Variants in ZNF490 observed in about 807,000 individuals in gnomAD.
ZNF490 encodes the protein zinc finger protein 490.
Under a neutral mutation model 17.7 loss-of-function variants are expected in ZNF490, and 11 were observed. The ratio of observed to expected loss-of-function variants is 0.62; its 90% CI spans 0.39 to 1.03. ZNF490 has a LOEUF of 1.03. Among genes scored for constraint, ZNF490 ranks in the 50% least tolerant of loss-of-function variants. The pLI, the probability that ZNF490 is intolerant of heterozygous loss-of-function variation, is 0.00. For missense variants in ZNF490, 542 were observed against 643.4 expected, an observed-to-expected ratio of 0.84 and a Z score of 1.71; for synonymous variants, 222 against 216.1, an observed-to-expected ratio of 1.03 and a Z score of -0.24.
At chr19:12,607,736 CAA>C (rs34773066) in intron 2 of ZNF490, among the ~76,000 whole-genome samples, 203 of 136,926 alleles carry the variant, frequency 1.5e-3, no homozygotes, top group Non-Finnish European at 1.7e-3. Flanking sequence ...ATCCCTGTCT[CAA>C]AAAAAAAAAA....
chr19:12,578,413 C>T lies in ZNF490; in HGVS notation c.*2072G>A. On this transcript the variant is annotated 3_prime_UTR_variant, in exon 5 of 5. Transcript: ENST00000311437. ...GCTGTGTGGTCAAGGGGTGTGTGTC[C>T]CATGATACAGGCTCTGCTTCTTCAG... 1 of 985,422 alleles carries T rather than the reference C, an allele frequency of 1.0e-6. No individual in the cohort carries two copies. The highest frequency in any genetic ancestry group is 1.2e-6 in the Non-Finnish European group (1 of 829,964). 61.0% of individuals were successfully genotyped at this position (985,422 alleles called of 1,614,324 possible). A position where few individuals can be genotyped will look rare whatever the true frequency, so the allele number is the denominator to read the frequency against.
At chr19:12,599,103 G>A (rs1297456778) in intron 2 of ZNF490, among the ~76,000 whole-genome samples, 2 of 121,466 alleles carry the variant, frequency 1.6e-5, no homozygotes, top group Non-Finnish European at 3.1e-5. Context: ...TCACGCCACT[G>A]CACTCCAGCC....
At chr19:12,607,387 G>A (rs564269036) in intron 2 of ZNF490, among the ~76,000 whole-genome samples, 14 of 151,996 alleles carry the variant, frequency 9.2e-5, no homozygotes, top group African/African-American at 3.1e-4. Context: ...TTAGCCAAGC[G>A]TGGTGGCGCA....
intron 2 of ZNF490, among the ~76,000 whole-genome samples, chr19:12,595,841 G>A (rs1006621646): frequency 6.6e-6 from 1 of 151,954 alleles, no homozygotes; most frequent in Non-Finnish European, 1.5e-5. Flanking sequence ...TCCCAGTTAC[G>A]CAGGAGGCTG....
intron 2 of ZNF490, among the ~76,000 whole-genome samples, chr19:12,602,623 CT>C (rs974396095): frequency 2.0e-3 from 272 of 138,492 alleles, no homozygotes; most frequent in Middle Eastern, 3.7e-3. Flanking sequence ...ATGTATATTT[CT>C]TTTTTTTTTT....
intron 2 of ZNF490, among the ~76,000 whole-genome samples, chr19:12,591,339 G>A (rs754540086): frequency 2.4e-4 from 37 of 151,182 alleles, no homozygotes; most frequent in Non-Finnish European, 4.6e-4. Context: ...GCAGTGAGCC[G>A]AGATTACGCC....
At chr19:12,581,824 T>C (rs1330010506) in intron 4 of ZNF490, 100 bp from the exon 5 acceptor site, 14 of 1,135,416 alleles carry the variant, frequency 1.2e-5, no homozygotes, top group Non-Finnish European at 1.5e-5. Flanking sequence ...TCACAGAAAC[T>C]GTATGTTATC....
At chr19:12,598,179 G>A (rs891159461) in intron 2 of ZNF490, among the ~76,000 whole-genome samples, 3 of 151,480 alleles carry the variant, frequency 2.0e-5, no homozygotes, top group African/African-American at 4.8e-5. Flanking sequence ...AGCCAAGATC[G>A]CGCCACTGCA....
In ZNF490 at chr19:12,585,987, G is replaced by A. The variant is rs1249203058; in HGVS notation, c.163-2431C>T. ...ATTACAGGAATGAGTCACCACTCCT[G>A]GCCTGGGTTTTTGTTTTAAAACAGT... is the stretch of plus-strand genomic sequence containing the variant. On this transcript the variant is annotated intron_variant, in intron 2 of 4. Coordinates refer to ENST00000311437, the MANE Select transcript of ZNF490 (RefSeq NM_020714.3). 6.5e-5 allele frequency among the ~76,000 whole-genome samples: 6 copies of A among 92,956 alleles called. 3 individuals carry two copies. Among genetic ancestry groups the A allele is most frequent in the African/African-American group, 1.9e-4 (6 of 31,184 alleles). The allele number at this position is 92,956 out of a possible 152,430, so 61.0% of individuals were successfully genotyped here.
chr19:12,580,506 A>C lies in ZNF490; in HGVS notation c.1569T>G (p.Thr523=). 1 of 1,603,106 alleles carries C rather than the reference A, an allele frequency of 6.2e-7. No individual in the cohort carries two copies. Among genetic ancestry groups the C allele is most frequent in the South Asian group, 1.1e-5 (1 of 89,492 alleles). The change falls in exon 5 of 5, where the codon ACT becomes ACG. Residue 523 remains threonine, a synonymous_variant. Coordinates refer to ENST00000311437, the MANE Select transcript of ZNF490 (RefSeq NM_020714.3). ...YSKSLHVHER[T]HSRQKP is the part of the protein sequence containing the mutation. ...TTTCTTAGGGCTTCTGTCTACTATGAGTCCTTTCGTGCACGTGCAAAGACT... is the reference window on the plus strand; with the variant it reads ...TTTCTTAGGGCTTCTGTCTACTATGCGTCCTTTCGTGCACGTGCAAAGACT...
intron 2 of ZNF490, among the ~76,000 whole-genome samples, chr19:12,602,870 C>T (rs981356438): frequency 1.3e-5 from 2 of 152,024 alleles, no homozygotes; most frequent in Non-Finnish European, 2.9e-5. Flanking sequence ...ATGCAATCCA[C>T]CTGCCTCAGC....
In ZNF490 at chr19:12,581,002, C is replaced by G; in HGVS notation, c.1073G>C (p.Gly358Ala). The G allele has an allele frequency of 6.2e-7, 1 of 1,614,158 alleles. No homozygotes were observed. Among genetic ancestry groups the G allele is most frequent in the East Asian group, 2.2e-5 (1 of 44,878 alleles). The change falls in exon 5 of 5, where the codon GGA (glycine) becomes GCA (alanine). Residue 358 changes from glycine to alanine, a missense_variant. Coordinates refer to ENST00000311437, the MANE Select transcript of ZNF490 (RefSeq NM_020714.3). Reference sequence around the variant, plus strand: ...TTTCTTACATGTATAAGGTTGAACTCCGGTGTGGGTTTTCACGTGTTTTCG... The same window carrying G: ...TTTCTTACATGTATAAGGTTGAACTGCGGTGTGGGTTTTCACGTGTTTTCG... ...SLRKHVKTHT[G>A]VQPYTCKKCG... is the part of the protein sequence containing the mutation.
chr19:12,605,497 A>C (rs377553468), intron 2 of ZNF490, among the ~76,000 whole-genome samples: 4 of 146,286 alleles, frequency 2.7e-5, no homozygotes, highest in Admixed American at 1.4e-4. Flanking sequence ...AAAAAAAAAA[A>C]CACTTTGTAA....
chr19:12,584,323 A>AT lies in ZNF490; in HGVS notation c.163-768dup, dbSNP rs553358801. Among the ~76,000 whole-genome samples the AT allele has an allele frequency of 2.1e-4, 18 of 86,614 alleles. 4 individuals are homozygous for AT. In the South Asian group the frequency reaches 3.0e-3, roughly 15 times the overall value. 56.8% of individuals were successfully genotyped at this position (86,614 alleles called of 152,430 possible). A position where few individuals can be genotyped will look rare whatever the true frequency, so the allele number is the denominator to read the frequency against. On this transcript the variant is annotated intron_variant, in intron 2 of 4. Coordinates refer to ENST00000311437, the MANE Select transcript of ZNF490 (RefSeq NM_020714.3). The stretch of plus-strand genomic sequence containing the variant: ...AGGCGCGTGCCACCACGCCCAGCTA[A>AT]TTTTTTGTATTTTTAGTAGAGACGG...
At chr19:12,583,805 ATATATATT>A (rs1183252543) in intron 2 of ZNF490, among the ~76,000 whole-genome samples, 137 of 115,262 alleles carry the variant, frequency 1.2e-3, no homozygotes, top group African/African-American at 3.7e-3. Context: ...ATATATATAT[ATATATATT>A]TTTTTTTTTT....
At position 12,580,934 on chromosome 19, in the gene ZNF490, C is replaced by G; in HGVS notation, c.1141G>C (p.Glu381Gln). 1 of 1,614,184 alleles carries G rather than the reference C, an allele frequency of 6.2e-7. No individual in the cohort carries two copies. The highest frequency in any genetic ancestry group is 1.3e-5 in the African/African-American group (1 of 75,052). Reference sequence around the variant, plus strand: ...GGTTTTTCTCCAAAATGAGTTCTTTCGTGCACTTCACAGGAACTAGATGAC... The same window carrying G: ...GGTTTTTCTCCAAAATGAGTTCTTTGGTGCACTTCACAGGAACTAGATGAC... ...FKSSSSCEVH[E>Q]RTHFGEKPYE... Residue 381 changes from glutamate to glutamine, a missense_variant, in exon 5 of 5, where the codon GAA becomes CAA. Physicochemically the swap from Glu to Gln is conservative, Grantham distance 29. Transcript: ENST00000311437.
intron 2 of ZNF490, among the ~76,000 whole-genome samples, chr19:12,602,883 C>G (rs2023024164): frequency 6.6e-6 from 1 of 152,040 alleles, no homozygotes; most frequent in Non-Finnish European, 1.5e-5. Context: ...GCCTCAGCCT[C>G]CCAGAGTGCT....
At chr19:12,607,791 C>T (rs2023087935) in intron 2 of ZNF490, among the ~76,000 whole-genome samples, 1 of 151,650 alleles carries the variant, frequency 6.6e-6, no homozygotes, top group Non-Finnish European at 1.5e-5. Context: ...GACAGAGAAG[C>T]AGCAGCAAAT....
At position 12,580,809 on chromosome 19, in the gene ZNF490, T is replaced by C; in HGVS notation, c.1266A>G (p.Glu422=). 6.2e-7 allele frequency: 1 copy of C among 1,614,194 alleles called. No individual in the cohort carries two copies. Among genetic ancestry groups the C allele is most frequent in the East Asian group, 2.2e-5 (1 of 44,886 alleles). Residue 422 remains glutamate (E), a synonymous_variant, in exon 5 of 5, where the codon GAA becomes GAG. Coordinates refer to ENST00000311437, the MANE Select transcript of ZNF490 (RefSeq NM_020714.3). ...TGGAATAAAGAAAGGCTTTACCACA[T>C]TCTTTACATTCGTAAGTTTTCTCGC... ...HTGEKTYECK[E]CGKAFLYSTH...
Sources: allele counts gnomAD v4.1 joint callset (sites outside exome capture counted in the v4.1 genomes callset), GRCh38; gene constraint gnomAD v4.1.1; transcripts MANE v1.5; gene names NCBI Gene and HGNC (gene_info 2026-07-23, HGNC 2026-07-21).